PRDM5: variants seen among roughly 807,000 people sequenced by gnomAD.
The protein encoded by PRDM5 is PR/SET domain 5.
Under a neutral mutation model 81.2 loss-of-function variants are expected in PRDM5, and 56 were observed. The observed-to-expected ratio is 0.69, with a 90% CI of 0.56 to 0.86. The LOEUF (loss-of-function observed/expected upper bound fraction) is 0.86, where lower values mean the gene tolerates loss of function less well. Among genes scored for constraint, PRDM5 ranks in the 40% least tolerant of loss-of-function variants. The probability of loss-of-function intolerance (pLI) is 0.00; values close to 1 mark genes in which losing one functional copy is unlikely to be tolerated. For synonymous variants in PRDM5, 267 were observed against 256.4 expected, an observed-to-expected ratio of 1.04 and a Z score of -0.39; for missense variants, 697 against 770.1, an observed-to-expected ratio of 0.91 and a Z score of 1.12.
At chr4:120,823,559 C>T (rs1346363554) in intron 3 of PRDM5, among the ~76,000 whole-genome samples, 1 of 152,216 alleles carries the variant, frequency 6.6e-6, no homozygotes, top group Non-Finnish European at 1.5e-5. Flanking sequence ...TACCCCAATA[C>T]TATTAAGAAG....
At chr4:120,878,889 A>C (rs1353005180) in intron 2 of PRDM5, among the ~76,000 whole-genome samples, 1 of 152,184 alleles carries the variant, frequency 6.6e-6, no homozygotes, top group African/African-American at 2.4e-5. Flanking sequence ...GACAACACCA[A>C]ATGCTGACAA....
chr4:120,770,990 C>G (rs4374643), intron 13 of PRDM5, among the ~76,000 whole-genome samples: 95,339 of 151,516 alleles, frequency 0.63, 30,552 homozygotes, highest in East Asian at 0.72. Flanking sequence ...TTTATTCTTA[C>G]AAAAATATAT....
At chr4:120,778,245 C>T (rs1441737670) in intron 12 of PRDM5, among the ~76,000 whole-genome samples, 4 of 151,934 alleles carry the variant, frequency 2.6e-5, no homozygotes, top group African/African-American at 4.8e-5. Flanking sequence ...AGGTTATAAT[C>T]ACAAAACAGA....
At chr4:120,833,998 G>A (rs927583318) in intron 3 of PRDM5, among the ~76,000 whole-genome samples, 17 of 152,102 alleles carry the variant, frequency 1.1e-4, no homozygotes, top group African/African-American at 4.1e-4. Context: ...AAAGCACTAA[G>A]AAAAGTAGAT....
intron 3 of PRDM5, among the ~76,000 whole-genome samples, chr4:120,822,115 A>G (rs1369507356): frequency 1.3e-5 from 2 of 152,200 alleles, no homozygotes; most frequent in African/African-American, 4.8e-5. Context: ...TTCCAAGGAA[A>G]CCCCAGAGAA....
Position 120,781,168 on chromosome 4 carries a change from G to A in PRDM5, c.1418C>T (p.Pro473Leu), listed in dbSNP as rs2149239069. 2 of 1,613,260 alleles carry A rather than the reference G, an allele frequency of 1.2e-6. No individual in the cohort carries two copies. Among genetic ancestry groups the A allele is most frequent in the East Asian group, 2.2e-5 (1 of 44,836 alleles). Residue 473 changes from proline to leucine, a missense_variant, in exon 12 of 16, where the codon CCT becomes CTT. Around this residue, in one of 3 missense-constraint regions of PRDM5, gnomAD observed 577 missense variants for 606.7 expected, o/e 0.95. Coordinates refer to ENST00000264808, the MANE Select transcript of PRDM5 (RefSeq NM_018699.4). ...CELCNKAFVT[P>L]SVLRSHKKTH... ...TTTCTTATGACTTCTAAGCACTGAA[G>A]GTGTAACAAAGGCCTTATTACATAG...
chr4:120,692,660 C>G lies in PRDM5; in HGVS notation c.*2451G>C, dbSNP rs966377719. On this transcript the variant is annotated 3_prime_UTR_variant, in exon 16 of 16. Transcript: ENST00000264808. ...TTGAACGTCTCTTAAATTTACTTAG[C>G]CAATTTCTAAGTCTCAATTACTTAG... 1.3e-5 allele frequency: 2 copies of G among 152,004 alleles called. No individual in the cohort carries two copies. Among genetic ancestry groups the G allele is most frequent in the Non-Finnish European group, 2.9e-5 (2 of 67,984 alleles). 9.4% of individuals were successfully genotyped at this position (152,004 alleles called of 1,614,324 possible).
At chr4:120,861,378 A>C (rs932572927) in intron 2 of PRDM5, among the ~76,000 whole-genome samples, 2 of 152,204 alleles carry the variant, frequency 1.3e-5, no homozygotes, top group Admixed American at 1.3e-4. Flanking sequence ...AAATATTAAT[A>C]AGCAATTTTT....
At chr4:120,786,530 T>C (rs1328741967) in intron 10 of PRDM5, among the ~76,000 whole-genome samples, 2 of 152,148 alleles carry the variant, frequency 1.3e-5, no homozygotes, top group Non-Finnish European at 2.9e-5. Flanking sequence ...AACGTCCAGA[T>C]ATTCGGGCAA....
intron 2 of PRDM5, 115 bp downstream of exon 2, chr4:120,907,359 C>T (rs1157674228): frequency 2.7e-6 from 2 of 736,364 alleles, no homozygotes; most frequent in Admixed American, 2.7e-5. Flanking sequence ...AAACCTAAAA[C>T]ATTTCAATAC....
chr4:120,818,558 G>C (rs1429531344), intron 4 of PRDM5, 31 bp from the exon 5 acceptor site: 2 of 1,590,966 alleles, frequency 1.3e-6, no homozygotes, highest in African/African-American at 2.7e-5. Flanking sequence ...ATATTCATGA[G>C]ACAAAAATTC....
downstream of PRDM5, among the ~76,000 whole-genome samples, chr4:120,689,600 CTTT>C (rs68162390): frequency 6.4e-3 from 926 of 143,990 alleles, 7 homozygotes; most frequent in Non-Finnish European, 0.01. Context: ...TTTCAAAATT[CTTT>C]TTTTTTTTTT....
chr4:120,752,841 T>C (rs536168290), intron 14 of PRDM5, among the ~76,000 whole-genome samples: 1 of 152,302 alleles, frequency 6.6e-6, no homozygotes, highest in Admixed American at 6.5e-5. Flanking sequence ...GAAGCTTAAC[T>C]GAATTAATAA....
chr4:120,816,397 G>A (rs764175410), intron 7 of PRDM5, 56 bp downstream of exon 7: 3 of 1,613,366 alleles, frequency 1.9e-6, no homozygotes, highest in South Asian at 2.2e-5. Flanking sequence ...AAAACAGATC[G>A]CTGCAGCCTG....
chr4:120,861,537 C>A (rs1760571027), intron 2 of PRDM5, among the ~76,000 whole-genome samples: 2 of 152,138 alleles, frequency 1.3e-5, no homozygotes, highest in South Asian at 2.1e-4. Flanking sequence ...GTGGCTCACA[C>A]CTGTAATCTC....
At chr4:120,695,346 A>C (rs921604063) in intron 15 of PRDM5, 71 bp from the exon 16 acceptor site, 7 of 1,522,304 alleles carry the variant, frequency 4.6e-6, no homozygotes, top group African/African-American at 1.4e-5. Flanking sequence ...TTTAACACTC[A>C]CACTATTGGC....
chr4:120,911,396 C>T (rs1474505201), intron 1 of PRDM5, among the ~76,000 whole-genome samples: 1 of 152,224 alleles, frequency 6.6e-6, no homozygotes, highest in Non-Finnish European at 1.5e-5. Flanking sequence ...CTGTCTGAGT[C>T]AAACTCACTT....
chr4:120,720,567 C>T (rs1738462767), intron 14 of PRDM5, among the ~76,000 whole-genome samples: 1 of 152,196 alleles, frequency 6.6e-6, no homozygotes, highest in Non-Finnish European at 1.5e-5. Context: ...AACAGTTCCT[C>T]TTAATGGGCC....
chr4:120,836,899 T>C (rs1158084254), intron 3 of PRDM5, among the ~76,000 whole-genome samples: 7 of 152,172 alleles, frequency 4.6e-5, no homozygotes, highest in Non-Finnish European at 2.9e-5. Context: ...CCAATTACTA[T>C]TAGTCACAAT....
Sources: gnomAD v4.1 joint callset for allele counts (sites outside exome capture counted in the v4.1 genomes callset) on GRCh38, gnomAD v4.1.1 for gene constraint, gnomAD v4.1.1 regional missense constraint, MANE v1.5 for transcripts, NCBI Gene and HGNC (gene_info 2026-07-23, HGNC 2026-07-21) for gene names.